ITGA5: variants seen among roughly 807,000 people sequenced by gnomAD.
The protein encoded by ITGA5 is integrin alpha-5.
A neutral mutation model predicts 146.3 loss-of-function variants in ITGA5; 55 were observed. That is an observed-to-expected ratio of 0.38 (90% CI 0.30 to 0.47). The LOEUF (loss-of-function observed/expected upper bound fraction) is 0.47, where lower values mean the gene tolerates loss of function less well. Ranked by LOEUF, ITGA5 falls within the 20% of genes least tolerant of loss-of-function variation. The pLI is 0.99. For missense variants in ITGA5, 1,131 were observed against 1,329.0 expected (o/e 0.85, Z 2.32); for synonymous variants, 500 against 531.8 (o/e 0.94, Z 0.82).
chr12:54,419,061 C>T lies in ITGA5; in HGVS notation c.138G>A (p.Ala46=). The change falls in exon 1 of 30, where the codon GCG becomes GCA. Residue 46 remains alanine, a synonymous_variant. Transcript: ENST00000293379. ...GCCCCGAGAGTACTGCTGGGGCCTCCGCGTCTAAGTTGAAGCCCCCGACCC... is the reference window on the plus strand; with the variant it reads ...GCCCCGAGAGTACTGCTGGGGCCTCTGCGTCTAAGTTGAAGCCCCCGACCC... ...PPRVGGFNLD[A]EAPAVLSGPP... 3 of 1,584,734 alleles carry T rather than the reference C, an allele frequency of 1.9e-6. No individual in the cohort carries two copies. The highest frequency in any genetic ancestry group is 2.7e-5 in the African/African-American group (2 of 73,180).
chr12:54,397,658 C>T (rs1189840851), intron 28 of ITGA5, among the ~76,000 whole-genome samples, 171 bp from the exon 29 acceptor site: 1 of 152,154 alleles, frequency 6.6e-6, no homozygotes, highest in Non-Finnish European at 1.5e-5. Context: ...GCCATCATGG[C>T]CCCTTCAGGG....
chr12:54,414,455 G>A (rs1471455918), intron 1 of ITGA5, among the ~76,000 whole-genome samples: 3 of 152,304 alleles, frequency 2.0e-5, no homozygotes, highest in Admixed American at 2.0e-4. Flanking sequence ...AAGTGTATTT[G>A]CTTTTGGCTG....
At position 54,409,094 on chromosome 12, in the gene ITGA5, G is replaced by C; in HGVS notation, c.583+138C>G. 1.4e-6 allele frequency: 2 copies of C among 1,409,062 alleles called. No individual in the cohort carries two copies. Among genetic ancestry groups the C allele is most frequent in the East Asian group, 2.3e-5 (1 of 43,796 alleles). The allele number at this position is 1,409,062 out of a possible 1,614,324, so 87.3% of individuals were successfully genotyped here. A position where few individuals can be genotyped will look rare whatever the true frequency, so the allele number is the denominator to read the frequency against. On this transcript the variant is annotated intron_variant, in intron 4 of 29. Coordinates refer to ENST00000293379, the MANE Select transcript of ITGA5 (RefSeq NM_002205.5). The surrounding 1 kb of genome is among the most constrained non-coding windows in gnomAD (Gnocchi z 4.7). ...CCAGACAGTAAGCATAAAGGCTAAC[G>C]AACTGGGTTAGCCTTTATCTTAAGC...
In ITGA5 at chr12:54,398,673, T is replaced by G. The variant is rs1406064291; in HGVS notation, c.2867A>C (p.Gln956Pro). ...CAGGGCTTTGTACACAGCCTCACAC[T>G]GCAGGCTAAATGGCTGGTGCTCCCG... ...LQREHQPFSL[Q>P]CEAVYKALKM... The change falls in exon 28 of 30, where the codon CAG becomes CCG. Residue 956 changes from glutamine (Q) to proline (P), a missense_variant. Gln to Pro is a moderately conservative substitution (Grantham distance 76). Coordinates refer to ENST00000293379, the MANE Select transcript of ITGA5 (RefSeq NM_002205.5). 6.2e-7 allele frequency: 1 copy of G among 1,604,556 alleles called. No homozygotes were observed. Among genetic ancestry groups the G allele is most frequent in the Non-Finnish European group, 8.5e-7 (1 of 1,176,440 alleles).
rs1388337288 is a variant in ITGA5 at position 54,404,223 on chromosome 12, C to T, written c.1487G>A (p.Ser496Asn). The T allele has an allele frequency of 6.2e-7, 1 of 1,602,092 alleles. No individual in the cohort carries two copies. The highest frequency in any genetic ancestry group is 8.5e-7 in the Non-Finnish European group (1 of 1,173,854). Residue 496 changes from serine to asparagine, a missense_variant, in exon 15 of 30, where the codon AGT (serine) becomes AAT (asparagine). Ser to Asn is a conservative substitution (Grantham distance 46). Around this residue, in one of 3 missense-constraint regions of ITGA5, gnomAD observed 889 missense variants for 1,021.5 expected, o/e 0.87. Transcript: ENST00000293379. ...VYRGRPIVSASASLTIFPAMF... is the reference protein window; with the variant it reads ...VYRGRPIVSANASLTIFPAMF... ...GGCGGGGAAGATGGTGAGGGAGGCACTAGCGGACACGATGGGGCGGCCCCT... is the reference window on the plus strand; with the variant it reads ...GGCGGGGAAGATGGTGAGGGAGGCATTAGCGGACACGATGGGGCGGCCCCT...
In ITGA5 at chr12:54,412,165, C is replaced by T. The variant is rs545498479; in HGVS notation, c.219-201G>A. On this transcript the variant is annotated intron_variant, in intron 1 of 29. Coordinates refer to ENST00000293379, the MANE Select transcript of ITGA5 (RefSeq NM_002205.5). ...AGGCGGTCCCCATGTGCCGCTGTCACTAACACAACCCTCCCCTCCTCCCGC... is the reference window on the plus strand; with the variant it reads ...AGGCGGTCCCCATGTGCCGCTGTCATTAACACAACCCTCCCCTCCTCCCGC... 79 of 459,102 alleles carry T rather than the reference C, an allele frequency of 1.7e-4. 1 individual carries two copies. The South Asian group carries it at 2.6e-3, about 15-fold the overall frequency. The allele number at this position is 459,102 out of a possible 1,614,324, so 28.4% of individuals were successfully genotyped here.
chr12:54,414,483 G>T (rs1955981078), intron 1 of ITGA5, among the ~76,000 whole-genome samples: 2 of 152,202 alleles, frequency 1.3e-5, no homozygotes, highest in Non-Finnish European at 2.9e-5. Context: ...ATCAACTTAT[G>T]TGGGAACCTG....
In ITGA5 at chr12:54,403,293, G is replaced by A. The variant is rs748926845; in HGVS notation, c.1808C>T (p.Pro603Leu). ...GGAGAAGTTGAGAGCGATGTGAATC[G>A]GCGAGAGTTTGTCTCGAAATTCTGA... ...NESEFRDKLS[P>L]IHIALNFSLD... The change falls in exon 18 of 30, where the codon CCG (proline) becomes CTG (leucine). Residue 603 changes from proline (P) to leucine (L), a missense_variant. Pro to Leu is a moderately conservative substitution (Grantham distance 98). This residue lies in a region of ITGA5 where 889 missense variants were observed against 1,021.5 expected (regional missense o/e 0.87). Transcript: ENST00000293379. This position sits in a 1 kb window ranked among gnomAD's most constrained non-coding sequence, Gnocchi z 4.9. The A allele has an allele frequency of 1.4e-5, 22 of 1,543,868 alleles. No homozygotes were observed. Among genetic ancestry groups the A allele is most frequent in the African/African-American group, 1.2e-4 (9 of 72,174 alleles).
rs2120540439 is a variant in ITGA5, at chr12:54,409,591, C to T, written c.356G>A (p.Arg119Gln). ...TPIEFDSKGSRLLESSLSSSE... is the reference protein window; with the variant it reads ...TPIEFDSKGSQLLESSLSSSE... ...GCTGGACAGTGAGGACTCCAGGAGC[C>T]GAGAGCCTTGTGGAAGTGAGAAGGG... is the stretch of plus-strand genomic sequence containing the variant. Residue 119 changes from arginine (R) to glutamine (Q), a missense_variant, in exon 3 of 30, where the codon CGG becomes CAG. By Grantham distance (43) the Arg-to-Gln change is conservative. Around this residue, in one of 3 missense-constraint regions of ITGA5, gnomAD observed 175 missense variants for 179.3 expected, o/e 0.98. Coordinates refer to ENST00000293379, the MANE Select transcript of ITGA5 (RefSeq NM_002205.5). This position sits in a 1 kb window ranked among gnomAD's most constrained non-coding sequence, Gnocchi z 4.7. 6 of 1,610,906 alleles carry T rather than the reference C, an allele frequency of 3.7e-6. No homozygotes were observed. The East Asian group carries it at 6.7e-5, about 18-fold the overall frequency.
At position 54,403,554 on chromosome 12, in the gene ITGA5, TTCAGGAGGTGCCC is replaced by T. The variant is rs1427242947; in HGVS notation, c.1776+58_1776+70del. ...ACTGGAGTCCCCCAGTCTTTTTCCC[TTCAGGAGGTGCCC>T]TCAGTTCTGTGTGGCCACCCTCCCT... On this transcript the variant is annotated intron_variant, in intron 17 of 29. Coordinates refer to ENST00000293379, the MANE Select transcript of ITGA5 (RefSeq NM_002205.5). This position sits in a 1 kb window ranked among gnomAD's most constrained non-coding sequence, Gnocchi z 4.9. 6.6e-7 allele frequency: 1 copy of T among 1,521,318 alleles called. No homozygotes were observed. The highest frequency in any genetic ancestry group is 8.9e-7 in the Non-Finnish European group (1 of 1,124,354). 94.2% of individuals were successfully genotyped at this position (1,521,318 alleles called of 1,614,324 possible). A position where few individuals can be genotyped will look rare whatever the true frequency, so the allele number is the denominator to read the frequency against.
chr12:54,405,566 A>C lies in ITGA5; in HGVS notation c.1016+98T>G, dbSNP rs1253256493. On this transcript the variant is annotated intron_variant, in intron 11 of 29. Coordinates refer to ENST00000293379, the MANE Select transcript of ITGA5 (RefSeq NM_002205.5). ...GGTATGAGCGAGAGTCTAGAGAAAAAGCCCTGGAGAAACTCTCCTTGCATT... is the reference window on the plus strand; with the variant it reads ...GGTATGAGCGAGAGTCTAGAGAAAACGCCCTGGAGAAACTCTCCTTGCATT... The C allele has an allele frequency of 2.5e-6, 3 of 1,201,286 alleles. No homozygotes were observed. The African/African-American group carries it at 4.5e-5, about 18-fold the overall frequency. 74.4% of individuals were successfully genotyped at this position (1,201,286 alleles called of 1,614,324 possible).
Position 54,409,531 on chromosome 12 carries a change from A to G in ITGA5, c.416T>C (p.Leu139Ser). The change falls in exon 3 of 30, where the codon TTG (leucine) becomes TCG (serine). Residue 139 changes from leucine (L) to serine (S), a missense_variant. Physicochemically the swap from Leu to Ser is moderately radical, Grantham distance 145. This residue lies in a region of ITGA5 where 175 missense variants were observed against 179.3 expected (regional missense o/e 0.98). Coordinates refer to ENST00000293379, the MANE Select transcript of ITGA5 (RefSeq NM_002205.5). The surrounding 1 kb of genome is among the most constrained non-coding windows in gnomAD (Gnocchi z 4.7). Reference sequence around the variant, plus strand: ...TCGAACTGTTGCCCCGAACCACTGCAAGGACTTGTACTCCACAGGCTCCTC... The same window carrying G: ...TCGAACTGTTGCCCCGAACCACTGCGAGGACTTGTACTCCACAGGCTCCTC... The part of the protein sequence containing the change: ...EGEEPVEYKS[L>S]QWFGATVRAH... The G allele has an allele frequency of 1.2e-6, 2 of 1,614,072 alleles. No individual in the cohort carries two copies. The highest frequency in any genetic ancestry group is 1.1e-5 in the South Asian group (1 of 91,070).
rs745957494 is a variant in ITGA5, at chr12:54,405,317, C to T, written c.1074G>A (p.Arg358=). 1 of 1,613,126 alleles carries T rather than the reference C, an allele frequency of 6.2e-7. No homozygotes were observed. The highest frequency in any genetic ancestry group is 8.5e-7 in the Non-Finnish European group (1 of 1,179,856). Residue 358 remains arginine, a synonymous_variant, in exon 12 of 30, where the codon CGG becomes CGA. Coordinates refer to ENST00000293379, the MANE Select transcript of ITGA5 (RefSeq NM_002205.5). ...CGTAGACCCTGCCCACCTCCTGAGG[C>T]CGCCCGTCAGGGGTCCGATCCATGA... ...PLLMDRTPDG[R]PQEVGRVYVY... is the part of the protein sequence containing the mutation.
In ITGA5 at chr12:54,403,877, C is replaced by T. The variant is rs147206829; in HGVS notation, c.1621+34G>A. On this transcript the variant is annotated intron_variant, in intron 16 of 29. Transcript: ENST00000293379. The surrounding 1 kb of genome is among the most constrained non-coding windows in gnomAD (Gnocchi z 4.9). The stretch of plus-strand genomic sequence containing the variant: ...GTCCCCAGTCCCTTCATTCTCTGTC[C>T]TAGGGCCTGAGAGATCCAGGCAGTC... 1.2e-6 allele frequency: 2 copies of T among 1,613,610 alleles called. No individual in the cohort carries two copies. Among genetic ancestry groups the T allele is most frequent in the African/African-American group, 2.7e-5 (2 of 75,058 alleles).
At chr12:54,406,065 T>A in intron 9 of ITGA5, 139 bp from the exon 10 acceptor site, 1 of 733,514 alleles carries the variant, frequency 1.4e-6, no homozygotes, top group Non-Finnish European at 2.4e-6. Flanking sequence ...TCTTCAGCTT[T>A]GCCCTCATAT....
intron 11 of ITGA5, 47 bp from the exon 12 acceptor site, chr12:54,405,421 C>A: frequency 6.9e-7 from 1 of 1,439,170 alleles, no homozygotes. Context: ...TGTCTTGCCA[C>A]CCCACCCCAA....
rs1955914254 is a variant in ITGA5, at chr12:54,409,507, C to T, written c.440G>A (p.Arg147Gln). 5.0e-6 allele frequency: 8 copies of T among 1,613,926 alleles called. No homozygotes were observed. Among genetic ancestry groups the T allele is most frequent in the African/African-American group, 1.3e-5 (1 of 75,050 alleles). Reference protein sequence around the residue: ...KSLQWFGATVRAHGSSILACA... With the variant: ...KSLQWFGATVQAHGSSILACA... ...CACCAAGATGGAGGAGCCATGGGCTCGAACTGTTGCCCCGAACCACTGCAA... is the reference window on the plus strand; with the variant it reads ...CACCAAGATGGAGGAGCCATGGGCTTGAACTGTTGCCCCGAACCACTGCAA... Residue 147 changes from arginine (R) to glutamine (Q), a missense_variant, in exon 3 of 30, where the codon CGA becomes CAA. By Grantham distance (43) the Arg-to-Gln change is conservative. Coordinates refer to ENST00000293379, the MANE Select transcript of ITGA5 (RefSeq NM_002205.5). This position sits in a 1 kb window ranked among gnomAD's most constrained non-coding sequence, Gnocchi z 4.7.
At position 54,396,282 on chromosome 12, in the gene ITGA5, A is replaced by G. The variant is rs1955708542; in HGVS notation, c.*11T>C. On this transcript the variant is annotated 3_prime_UTR_variant, in exon 30 of 30. Transcript: ENST00000293379. ...GGTTCTTCAGGAATGGGAGTCTGAA[A>G]TTGGGAGGACTCAGGCATCAGAGGT... 6.2e-7 allele frequency: 1 copy of G among 1,606,804 alleles called. No homozygotes were observed. The highest frequency in any genetic ancestry group is 1.3e-5 in the African/African-American group (1 of 74,858).
rs149010571 is a variant in ITGA5, at chr12:54,404,763, G to A, written c.1357C>T (p.Pro453Ser). 1 of 1,614,030 alleles carries A rather than the reference G, an allele frequency of 6.2e-7. No homozygotes were observed. The highest frequency in any genetic ancestry group is 1.3e-5 in the African/African-American group (1 of 74,926). The change falls in exon 13 of 30, where the codon CCA becomes TCA. Residue 453 changes from proline (P) to serine (S), a missense_variant. Pro to Ser is a moderately conservative substitution (Grantham distance 74). Coordinates refer to ENST00000293379, the MANE Select transcript of ITGA5 (RefSeq NM_002205.5). ...LQPLWAASHT[P>S]DFFGSALRGG... The stretch of plus-strand genomic sequence containing the variant: ...CGAAGGGCAGAGCCAAAGAAGTCTG[G>A]GGTGTGGCTGGCTGCCCACAGGGGC...
Sources: gnomAD v4.1 joint callset for allele counts (sites outside exome capture counted in the v4.1 genomes callset) on GRCh38, gnomAD v4.1.1 for gene constraint, gnomAD v4.1.1 regional missense constraint, Gnocchi (gnomAD v3.1) non-coding constraint, MANE v1.5 for transcripts, NCBI Gene and HGNC (gene_info 2026-07-23, HGNC 2026-07-21) for gene names.